Variants in TNFSF4 observed in about 807,000 individuals in gnomAD.
TNFSF4 encodes tumor necrosis factor ligand superfamily member 4.
TNFSF4 carries 4 observed loss-of-function variants against 7.3 expected under a neutral mutation model. The observed-to-expected ratio is 0.55, with a 90% confidence interval of 0.27 to 1.25. TNFSF4 has a LOEUF of 1.25. Ranked by LOEUF, TNFSF4 falls within the 50% of genes most tolerant of loss-of-function variation. The pLI, the probability that TNFSF4 is intolerant of heterozygous loss-of-function variation, is 0.12. For synonymous variants in TNFSF4, 76 were observed against 83.7 expected (o/e 0.91, Z 0.50); for missense variants, 181 against 208.8 (o/e 0.87, Z 0.82).
chr1:173,349,819 G>A, the TNFSF4 span, among the ~76,000 whole-genome samples: 2 of 152,110 alleles, frequency 1.3e-5, no homozygotes, highest in South Asian at 2.1e-4. Flanking sequence ...TTATACACAT[G>A]TATAAAAGGA....
the TNFSF4 span, among the ~76,000 whole-genome samples, chr1:173,370,305 A>T: frequency 6.6e-6 from 1 of 152,180 alleles, no homozygotes; most frequent in African/African-American, 2.4e-5. Context: ...GATACCTGGT[A>T]TCTTAGTCAA....
At chr1:173,362,360 G>T in the TNFSF4 span, 1 of 357,202 alleles carries the variant, frequency 2.8e-6, no homozygotes, top group South Asian at 2.8e-5. Context: ...AGTTCATGTT[G>T]CACTCATACT....
the TNFSF4 span, among the ~76,000 whole-genome samples, chr1:173,225,334 G>C: frequency 6.6e-6 from 1 of 152,254 alleles, no homozygotes; most frequent in African/African-American, 2.4e-5. Context: ...ATAGGTTATG[G>C]TGGAATGGAA....
chr1:173,300,230 A>G, the TNFSF4 span, among the ~76,000 whole-genome samples: 1 of 151,824 alleles, frequency 6.6e-6, no homozygotes. Context: ...GTTGGTATTT[A>G]AAGTCCCCAA....
At chr1:173,302,135 C>G in the TNFSF4 span, among the ~76,000 whole-genome samples, 1 of 151,830 alleles carries the variant, frequency 6.6e-6, no homozygotes, top group Non-Finnish European at 1.5e-5. Context: ...GTGTTCTTCT[C>G]TATAAAATGG....
chr1:173,330,717 G>C, the TNFSF4 span, among the ~76,000 whole-genome samples: 1 of 152,056 alleles, frequency 6.6e-6, no homozygotes, highest in African/African-American at 2.4e-5. Flanking sequence ...TCTAAGCATA[G>C]TGAAAGTGCA....
chr1:173,274,047 C>T, the TNFSF4 span, among the ~76,000 whole-genome samples: 1 of 152,000 alleles, frequency 6.6e-6, no homozygotes, highest in South Asian at 2.1e-4. Context: ...CCATTCACCA[C>T]CCCATCTAAC....
the TNFSF4 span, among the ~76,000 whole-genome samples, chr1:173,302,772 G>A: frequency 6.7e-6 from 1 of 150,338 alleles, no homozygotes; most frequent in South Asian, 2.1e-4. Flanking sequence ...TCCATTTTTA[G>A]CTGAGCTCCA....
At chr1:173,382,876 A>T in the TNFSF4 span, among the ~76,000 whole-genome samples, 146 of 47,902 alleles carry the variant, frequency 3.0e-3, 1 homozygote, top group African/African-American at 9.3e-3. Context: ...TACTGTTTTC[A>T]CACACACACA....
the TNFSF4 span, among the ~76,000 whole-genome samples, chr1:173,373,192 T>G: frequency 1.3e-5 from 2 of 152,076 alleles, no homozygotes; most frequent in Non-Finnish European, 2.9e-5. Context: ...CACAAGAAAA[T>G]CATGAAGTTA....
chr1:173,419,428 G>A, the TNFSF4 span, among the ~76,000 whole-genome samples: 7 of 151,970 alleles, frequency 4.6e-5, no homozygotes, highest in Non-Finnish European at 7.4e-5. Context: ...CCTCTGCCAC[G>A]TGAGGATGCA....
At chr1:173,263,844 A>C in the TNFSF4 span, among the ~76,000 whole-genome samples, 1 of 152,256 alleles carries the variant, frequency 6.6e-6, no homozygotes, top group Non-Finnish European at 1.5e-5. Flanking sequence ...GGCAATTTCC[A>C]GAGAGGAAAA....
At chr1:173,370,962 C>G in the TNFSF4 span, among the ~76,000 whole-genome samples, 2 of 152,174 alleles carry the variant, frequency 1.3e-5, no homozygotes, top group Non-Finnish European at 1.5e-5. Flanking sequence ...ATCCACGTCC[C>G]CTATGCTGAG....
At chr1:173,217,034 A>T in the TNFSF4 span, among the ~76,000 whole-genome samples, 1 of 152,062 alleles carries the variant, frequency 6.6e-6, no homozygotes, top group African/African-American at 2.4e-5. Flanking sequence ...CCCTCTCCCC[A>T]GTGTTCAACC....
chr1:173,244,640 T>C, the TNFSF4 span, among the ~76,000 whole-genome samples: 1 of 95,892 alleles, frequency 1.0e-5, no homozygotes, highest in East Asian at 2.8e-4. Context: ...AGACTCTGTC[T>C]CAAAAAAAAA....
the TNFSF4 span, among the ~76,000 whole-genome samples, chr1:173,269,697 CAG>C: frequency 6.6e-6 from 1 of 152,024 alleles, no homozygotes; most frequent in Non-Finnish European, 1.5e-5. Context: ...TCATGCTACT[CAG>C]AGCAGTGGAA....
chr1:173,381,499 A>G, the TNFSF4 span, among the ~76,000 whole-genome samples: 1 of 152,230 alleles, frequency 6.6e-6, no homozygotes, highest in Non-Finnish European at 1.5e-5. Context: ...CTCCTTGTCA[A>G]ATGTGTTTCC....
chr1:173,213,736 G>T, the TNFSF4 span, among the ~76,000 whole-genome samples: 332 of 152,204 alleles, frequency 2.2e-3, 2 homozygotes, highest in Middle Eastern at 0.017. Flanking sequence ...TCTTTAAATA[G>T]AAATCATTCC....
the TNFSF4 span, among the ~76,000 whole-genome samples, chr1:173,445,188 C>CA: frequency 2.0e-5 from 3 of 152,170 alleles, no homozygotes; most frequent in Non-Finnish European, 4.4e-5. Context: ...GGACAAAATA[C>CA]AAAAAACAAC....
Sources: gnomAD v4.1 joint callset for allele counts (sites outside exome capture counted in the v4.1 genomes callset) on GRCh38, gnomAD v4.1.1 for gene constraint, MANE v1.5 for transcripts, NCBI Gene and HGNC (gene_info 2026-07-23, HGNC 2026-07-21) for gene names.